ARHGAP28: variants seen among roughly 807,000 people sequenced by gnomAD.
ARHGAP28 encodes rho GTPase-activating protein 28.
Under a neutral mutation model 90.7 loss-of-function variants are expected in ARHGAP28, and 56 were observed. The ratio of observed to expected loss-of-function variants is 0.62; its 90% CI spans 0.50 to 0.77. ARHGAP28 has a LOEUF of 0.77. Among genes scored for constraint, ARHGAP28 ranks in the 30% least tolerant of loss-of-function variants. The pLI is 0.00. For missense variants in ARHGAP28, 869 were observed against 900.9 expected (o/e 0.96, Z 0.45); for synonymous variants, 308 against 323.3 (o/e 0.95, Z 0.51).
chr18:6,861,634 T>G (rs1344125100), intron 5 of ARHGAP28, among the ~76,000 whole-genome samples: 1 of 152,130 alleles, frequency 6.6e-6, no homozygotes, highest in African/African-American at 2.4e-5. Context: ...TGGAGGAGGA[T>G]GATTGTATGA....
chr18:6,858,188 G>A (rs1324584270), intron 4 of ARHGAP28, among the ~76,000 whole-genome samples: 2 of 151,828 alleles, frequency 1.3e-5, no homozygotes, highest in Non-Finnish European at 2.9e-5. Flanking sequence ...ATATTTAGTT[G>A]CTGTCTACAT....
At chr18:6,757,034 A>G (rs914964881) in intron 1 of ARHGAP28, among the ~76,000 whole-genome samples, 5 of 152,182 alleles carry the variant, frequency 3.3e-5, no homozygotes, top group African/African-American at 4.8e-5. Context: ...ACCAGGAAAA[A>G]TACTTTGCAT....
chr18:6,866,206 G>T (rs930217004), intron 5 of ARHGAP28, among the ~76,000 whole-genome samples: 9 of 152,050 alleles, frequency 5.9e-5, no homozygotes, highest in African/African-American at 2.2e-4. Context: ...TGTTTGTCTT[G>T]CTCTGTTTTG....
At chr18:6,825,678 TGCCCGCTTACAA>T (rs2056657323) in intron 2 of ARHGAP28, among the ~76,000 whole-genome samples, 1 of 152,170 alleles carries the variant, frequency 6.6e-6, no homozygotes, top group South Asian at 2.1e-4. Context: ...TAGTGTTTAG[TGCCCGCTTACAA>T]GTGAGAACAT....
At chr18:6,898,971 A>C (rs2057323920) in intron 16 of ARHGAP28, among the ~76,000 whole-genome samples, 1 of 152,174 alleles carries the variant, frequency 6.6e-6, no homozygotes, top group Non-Finnish European at 1.5e-5. Context: ...AAAATCTCAG[A>C]AATTACCACT....
In ARHGAP28 at chr18:6,912,201, C is replaced by G; in HGVS notation, c.*47C>G. On this transcript the variant is annotated 3_prime_UTR_variant, in exon 18 of 18. Transcript: ENST00000383472. ...ATCATGTATTATATGCCAAAAAGAT[C>G]CTACATTTTGGTAGGGAAAAAACAA... The G allele has an allele frequency of 2.6e-6, 3 of 1,161,116 alleles. No individual in the cohort carries two copies. Among genetic ancestry groups the G allele is most frequent in the Non-Finnish European group, 3.7e-6 (3 of 802,892 alleles). The allele number at this position is 1,161,116 out of a possible 1,614,324, so 71.9% of individuals were successfully genotyped here.
At chr18:6,817,251 G>A (rs150813389) in intron 1 of ARHGAP28, among the ~76,000 whole-genome samples, 174 of 151,706 alleles carry the variant, frequency 1.1e-3, no homozygotes, top group Non-Finnish European at 1.3e-3. Context: ...ACCCAGAGAC[G>A]GAGGTTTCAG....
chr18:6,748,504 G>T (rs2056043053), intron 1 of ARHGAP28, among the ~76,000 whole-genome samples: 1 of 152,198 alleles, frequency 6.6e-6, no homozygotes. Flanking sequence ...CTTCTGGGCA[G>T]CATTGCCATG....
chr18:6,824,394 G>T (rs1313496317), intron 1 of ARHGAP28, among the ~76,000 whole-genome samples: 5 of 151,876 alleles, frequency 3.3e-5, no homozygotes, highest in Non-Finnish European at 7.4e-5. Flanking sequence ...AAAATTAGCT[G>T]GGCGTGGTGG....
chr18:6,854,305 T>C (rs890308171), intron 4 of ARHGAP28, among the ~76,000 whole-genome samples: 1 of 152,178 alleles, frequency 6.6e-6, no homozygotes, highest in South Asian at 2.1e-4. Flanking sequence ...CTCTAGGTTT[T>C]TGTGTTTGTT....
chr18:6,882,195 T>A lies in ARHGAP28; in HGVS notation c.1349T>A (p.Met450Lys). 1 of 1,614,068 alleles carries A rather than the reference T, an allele frequency of 6.2e-7. No individual in the cohort carries two copies. The highest frequency in any genetic ancestry group is 8.5e-7 in the Non-Finnish European group (1 of 1,179,974). The change falls in exon 11 of 18, where the codon ATG becomes AAG. Residue 450 changes from methionine to lysine, a missense_variant. Transcript: ENST00000383472. ...FNADKFKWDK[M>K]CHREAAVMLK... is the part of the protein sequence containing the mutation. The stretch of plus-strand genomic sequence containing the variant: ...GCTGATAAATTTAAATGGGACAAAA[T>A]GTGCCATAGAGAAGCTGCAGTAATG...
intron 7 of ARHGAP28, among the ~76,000 whole-genome samples, chr18:6,872,164 C>T (rs913847018): frequency 6.6e-6 from 1 of 152,194 alleles, no homozygotes; most frequent in African/African-American, 2.4e-5. Flanking sequence ...AGGATGCTGG[C>T]CCCTGCATCT....
In ARHGAP28 at chr18:6,910,186, C is replaced by T. The variant is rs112591247; in HGVS notation, c.2095+1162C>T. On this transcript the variant is annotated intron_variant, in intron 17 of 17. Coordinates refer to ENST00000383472, the MANE Select transcript of ARHGAP28 (RefSeq NM_001366230.1). Reference sequence around the variant, plus strand: ...GTTGATCTTTCCCTCCTTTGAAGAACACTTTCTTCACCTGACTTCAAGGAT... The same window carrying T: ...GTTGATCTTTCCCTCCTTTGAAGAATACTTTCTTCACCTGACTTCAAGGAT... Among the ~76,000 whole-genome samples the T allele has an allele frequency of 7.1e-3, 1,078 of 152,294 alleles. 11 individuals carry two copies. The highest frequency in any genetic ancestry group is 0.025 in the African/African-American group (1,037 of 41,566).
At chr18:6,820,406 T>A (rs2056618885) in intron 1 of ARHGAP28, among the ~76,000 whole-genome samples, 1 of 152,162 alleles carries the variant, frequency 6.6e-6, no homozygotes, top group Non-Finnish European at 1.5e-5. Context: ...AAGCAGATTA[T>A]GAAGAACATT....
chr18:6,870,761 G>A (rs1316201754), intron 7 of ARHGAP28, 29 bp downstream of exon 7: 3 of 1,572,456 alleles, frequency 1.9e-6, no homozygotes, highest in East Asian at 2.2e-5. Flanking sequence ...GATTATTCCA[G>A]GAACTTCCTG....
At chr18:6,859,122 A>G (rs557703120) in intron 4 of ARHGAP28, among the ~76,000 whole-genome samples, 5 of 152,312 alleles carry the variant, frequency 3.3e-5, no homozygotes, top group African/African-American at 1.2e-4. Flanking sequence ...TACTATTGCT[A>G]CTAAATTCTA....
At chr18:6,758,744 A>C (rs2056134478) in intron 1 of ARHGAP28, among the ~76,000 whole-genome samples, 1 of 152,224 alleles carries the variant, frequency 6.6e-6, no homozygotes, top group Non-Finnish European at 1.5e-5. Flanking sequence ...GACAGACCTG[A>C]AAATAAGGTT....
At chr18:6,817,657 A>G (rs184390628) in intron 1 of ARHGAP28, among the ~76,000 whole-genome samples, 1 of 152,318 alleles carries the variant, frequency 6.6e-6, no homozygotes, top group African/African-American at 2.4e-5. Context: ...ATCAAGGCCA[A>G]TTGCTACAAT....
At chr18:6,817,465 C>T (rs2056599451) in intron 1 of ARHGAP28, among the ~76,000 whole-genome samples, 1 of 152,200 alleles carries the variant, frequency 6.6e-6, no homozygotes, top group African/African-American at 2.4e-5. Flanking sequence ...TGTCTCATCT[C>T]ACTCTGCCCC....
Sources: allele counts gnomAD v4.1 joint callset (sites outside exome capture counted in the v4.1 genomes callset), GRCh38; gene constraint gnomAD v4.1.1; transcripts MANE v1.5; gene names NCBI Gene and HGNC (gene_info 2026-07-23, HGNC 2026-07-21).